The following TNRC6C variants were observed in gnomAD, a reference collection of about 807,000 sequenced individuals.
TNRC6C encodes the protein trinucleotide repeat containing adaptor 6C, also known as trinucleotide repeat-containing gene 6C protein.
Under a neutral mutation model 153.7 loss-of-function variants are expected in TNRC6C, and 20 were observed. The observed-to-expected ratio is 0.13, with a 90% confidence interval of 0.09 to 0.19. The LOEUF is 0.19. Ranked by LOEUF, TNRC6C falls within the 10% of genes least tolerant of loss-of-function variation. TNRC6C has a pLI of 1.00. For missense variants in TNRC6C, 1,987 were observed against 2,172.0 expected, an observed-to-expected ratio of 0.91 and a Z score of 1.69; for synonymous variants, 811 against 841.4, an observed-to-expected ratio of 0.96 and a Z score of 0.63.
intron 1 of TNRC6C, among the ~76,000 whole-genome samples, chr17:78,030,741 G>A (rs1346323731): frequency 6.6e-6 from 1 of 152,160 alleles, no homozygotes; most frequent in East Asian, 1.9e-4. Flanking sequence ...TTGAACAAGA[G>A]CAGTGGTTCT....
intron 19 of TNRC6C, among the ~76,000 whole-genome samples, chr17:78,103,875 C>T (rs1226198935): frequency 2.0e-5 from 3 of 152,214 alleles, no homozygotes; most frequent in African/African-American, 4.8e-5. Context: ...CCCATGTGAC[C>T]TCATCTAACT....
At chr17:78,071,549 G>A (rs1438050730) in intron 6 of TNRC6C, among the ~76,000 whole-genome samples, 5 of 151,886 alleles carry the variant, frequency 3.3e-5, no homozygotes, top group African/African-American at 9.7e-5. Flanking sequence ...CACCATGCTC[G>A]GCTAATTTTT....
chr17:78,001,055 G>A (rs762936637), upstream of TNRC6C, among the ~76,000 whole-genome samples: 5 of 152,124 alleles, frequency 3.3e-5, no homozygotes, highest in Non-Finnish European at 7.4e-5. Context: ...GCCCATTTGT[G>A]GGAAATCTTT....
In TNRC6C at chr17:78,086,595, T is replaced by C. The variant is rs1296090511; in HGVS notation, c.3561+9T>C. The C allele has an allele frequency of 6.2e-7, 1 of 1,613,396 alleles. No individual in the cohort carries two copies. The highest frequency in any genetic ancestry group is 8.5e-7 in the Non-Finnish European group (1 of 1,179,486). On this transcript the variant is annotated intron_variant, in intron 12 of 19. Transcript: ENST00000301624. ...GACAACAGGAGCAGCAAGTAGGTGC[T>C]ACCCAGATTGATTTTTGTCATGAGC...
chr17:78,005,356 G>T (rs1234466510), intron 1 of TNRC6C, among the ~76,000 whole-genome samples: 2 of 152,012 alleles, frequency 1.3e-5, no homozygotes, highest in Non-Finnish European at 2.9e-5. Context: ...AAACAGGATC[G>T]AACTGATAAA....
intron 1 of TNRC6C, among the ~76,000 whole-genome samples, chr17:77,996,682 G>A (rs1258110920): frequency 6.6e-6 from 1 of 152,140 alleles, no homozygotes; most frequent in Non-Finnish European, 1.5e-5. Flanking sequence ...TTTGGTGTTG[G>A]CTTCATTTTT....
intron 17 of TNRC6C, among the ~76,000 whole-genome samples, chr17:78,098,895 A>G (rs2073537741): frequency 6.6e-6 from 1 of 152,126 alleles, no homozygotes; most frequent in African/African-American, 2.4e-5. Context: ...CTCTGCCCCC[A>G]TGACTCCCCT....
intron 13 of TNRC6C, 120 bp downstream of exon 15, chr17:78,087,213 C>G: frequency 6.8e-7 from 1 of 1,465,244 alleles, no homozygotes; most frequent in Non-Finnish European, 9.0e-7. Context: ...AAACCATAGC[C>G]TGTTGGAAAT....
At chr17:78,031,887 T>C (rs541285349) in intron 2 of TNRC6C, 45 bp downstream of exon 4, 3 of 1,231,414 alleles carry the variant, frequency 2.4e-6, no homozygotes, top group East Asian at 3.2e-5. Context: ...CTGAAAACTT[T>C]GCTATTTTCA....
chr17:78,044,111 A>G (rs1033215073), intron 2 of TNRC6C, among the ~76,000 whole-genome samples: 3 of 152,154 alleles, frequency 2.0e-5, no homozygotes, highest in African/African-American at 7.2e-5. Flanking sequence ...AACCCTATCT[A>G]TGTTTTCAAC....
At chr17:78,019,618 A>T (rs567833204) in intron 1 of TNRC6C, among the ~76,000 whole-genome samples, 1 of 152,370 alleles carries the variant, frequency 6.6e-6, no homozygotes, top group South Asian at 2.1e-4. Flanking sequence ...GGCAAAGAGT[A>T]ACCAAAATTT....
At position 78,012,032 on chromosome 17, in the gene TNRC6C, G is replaced by A. The variant is rs547905126; in HGVS notation, c.-546+6953G>A. The stretch of plus-strand genomic sequence containing the variant: ...GTTTCTGATACTAAATTGGCCTCTA[G>A]AGTTGGGCAGAAAGACTCATCGCTA... On this transcript the variant is annotated intron_variant, in intron 1 of 19. Transcript: ENST00000301624. 1.1e-4 allele frequency: 16 copies of A among 151,994 alleles called. 1 individual carries two copies. Among genetic ancestry groups the A allele is most frequent in the African/African-American group, 3.9e-4 (16 of 41,322 alleles). 9.4% of individuals were successfully genotyped at this position (151,994 alleles called of 1,614,324 possible). A position where few individuals can be genotyped will look rare whatever the true frequency, so the allele number is the denominator to read the frequency against.
exon 13 of TNRC6C, chr17:78,087,050 A>G: frequency 6.2e-7 from 1 of 1,613,410 alleles, no homozygotes; most frequent in Non-Finnish European, 8.5e-7. Context: ...TGCAGACCAA[A>G]GAGCAGCAGT....
At chr17:78,098,632 C>A in intron 17 of TNRC6C, 95 bp downstream of exon 20, 1 of 1,390,794 alleles carries the variant, frequency 7.2e-7, no homozygotes, top group Non-Finnish European at 9.7e-7. Context: ...AGGACCCCTG[C>A]CTGTAACTCT....
intron 1 of TNRC6C, among the ~76,000 whole-genome samples, chr17:78,019,128 T>TCTACAGA (rs1419595876): frequency 1.3e-5 from 2 of 152,088 alleles, no homozygotes; most frequent in Non-Finnish European, 2.9e-5. Context: ...GATGACGATA[T>TCTACAGA]TGAAGTGACT....
chr17:78,086,620 C>G (rs747419686), intron 12 of TNRC6C, 34 bp downstream of exon 14: 1 of 1,600,872 alleles, frequency 6.2e-7, no homozygotes, highest in South Asian at 1.1e-5. Flanking sequence ...TTGTCATGAG[C>G]TATAATTTTC....
At chr17:78,017,204 G>A (rs1216395522) in intron 1 of TNRC6C, among the ~76,000 whole-genome samples, 3 of 152,156 alleles carry the variant, frequency 2.0e-5, no homozygotes, top group Non-Finnish European at 2.9e-5. Flanking sequence ...TGGTCTTTAT[G>A]CCTTTTTAAA....
chr17:78,071,568 G>A (rs1205128480), intron 6 of TNRC6C, among the ~76,000 whole-genome samples: 1 of 151,786 alleles, frequency 6.6e-6, no homozygotes, highest in Non-Finnish European at 1.5e-5. Context: ...TTGTATTTTT[G>A]GTAGAGACGA....
intron 1 of TNRC6C, among the ~76,000 whole-genome samples, chr17:78,017,034 G>A (rs965060140): frequency 1.3e-5 from 2 of 152,144 alleles, no homozygotes; most frequent in African/African-American, 4.8e-5. Flanking sequence ...CAGGAGAAGT[G>A]TATGGAACTG....
Sources: gnomAD v4.1 joint callset for allele counts (sites outside exome capture counted in the v4.1 genomes callset) on GRCh38, gnomAD v4.1.1 for gene constraint, MANE v1.5 for transcripts, NCBI Gene and HGNC (gene_info 2026-07-23, HGNC 2026-07-21) for gene names.